Variants in NRG1 observed in about 807,000 individuals in gnomAD.
The protein encoded by NRG1 is pro-neuregulin-1, membrane-bound isoform.
A neutral mutation model predicts 63.8 loss-of-function variants in NRG1; 18 were observed. That is an observed-to-expected ratio of 0.28 (90% CI 0.19 to 0.42). NRG1 has a LOEUF of 0.42. Ranked by LOEUF, NRG1 falls within the 10% of genes least tolerant of loss-of-function variation. NRG1 has a pLI of 1.00. For synonymous variants in NRG1, 302 were observed against 301.3 expected, an observed-to-expected ratio of 1.00 and a Z score of -0.02; for missense variants, 762 against 814.7, an observed-to-expected ratio of 0.94 and a Z score of 0.79.
chr8:31,983,093 G>C (rs150955226), intron 1 of NRG1, among the ~76,000 whole-genome samples: 202 of 152,148 alleles, frequency 1.3e-3, no homozygotes, highest in African/African-American at 4.5e-3. Flanking sequence ...ATGGATATTA[G>C]AGGCTATCAG....
At chr8:32,021,814 A>G (rs1195075695) in intron 1 of NRG1, among the ~76,000 whole-genome samples, 2 of 152,208 alleles carry the variant, frequency 1.3e-5, no homozygotes, top group Non-Finnish European at 2.9e-5. Flanking sequence ...ATTAATATTC[A>G]TTGGTATTAT....
chr8:31,841,026 T>G (rs1030234486), intron 1 of NRG1, among the ~76,000 whole-genome samples: 1 of 152,212 alleles, frequency 6.6e-6, no homozygotes, highest in African/African-American at 2.4e-5. Flanking sequence ...GTTAGAGGGA[T>G]GCAAAGACAA....
intron 1 of NRG1, among the ~76,000 whole-genome samples, chr8:32,483,637 C>T (rs1490326962): frequency 1.3e-5 from 2 of 152,174 alleles, no homozygotes; most frequent in South Asian, 2.1e-4. Flanking sequence ...AAGGCAATGT[C>T]GGAGGCTAGG....
chr8:32,315,457 C>T (rs1857280221), intron 1 of NRG1, among the ~76,000 whole-genome samples: 1 of 152,212 alleles, frequency 6.6e-6, no homozygotes, highest in Non-Finnish European at 1.5e-5. Context: ...ATATGTACCA[C>T]ATTGTCTATC....
chr8:32,758,825 T>G (rs1050607228), intron 9 of NRG1, among the ~76,000 whole-genome samples: 4 of 152,054 alleles, frequency 2.6e-5, no homozygotes, highest in Non-Finnish European at 4.4e-5. Flanking sequence ...AGGAGAAAGG[T>G]AGGCCCAACA....
intron 1 of NRG1, among the ~76,000 whole-genome samples, chr8:32,273,499 G>T (rs1240485679): frequency 6.6e-6 from 1 of 152,068 alleles, no homozygotes; most frequent in Non-Finnish European, 1.5e-5. Flanking sequence ...GATGATTTTA[G>T]GGGATAAAAA....
intron 1 of NRG1, among the ~76,000 whole-genome samples, chr8:32,398,785 GT>G (rs1323030252): frequency 2.0e-5 from 3 of 152,126 alleles, no homozygotes; most frequent in Non-Finnish European, 4.4e-5. Context: ...GGTGGTGCAA[GT>G]TATCTCCCAA....
intron 1 of NRG1, among the ~76,000 whole-genome samples, chr8:32,409,111 C>T (rs117331096): frequency 0.017 from 2,550 of 152,180 alleles, 37 homozygotes; most frequent in Middle Eastern, 0.041. Context: ...GGTGTATATA[C>T]GTTACATTTT....
At chr8:32,234,969 T>C (rs1472203130) in intron 1 of NRG1, among the ~76,000 whole-genome samples, 1 of 152,096 alleles carries the variant, frequency 6.6e-6, no homozygotes, top group Non-Finnish European at 1.5e-5. Context: ...AATTAATTAA[T>C]AGTCTTAGAA....
chr8:32,156,234 T>A (rs1838049491), intron 1 of NRG1, among the ~76,000 whole-genome samples: 1 of 152,182 alleles, frequency 6.6e-6, no homozygotes, highest in South Asian at 2.1e-4. Context: ...TGCTCCTCCA[T>A]GATTTACCTA....
At position 32,343,610 on chromosome 8, in the gene NRG1, C is replaced by T. The variant is rs377230913; in HGVS notation, c.38-252218C>T. On this transcript the variant is annotated intron_variant, in intron 1 of 10. Transcript: ENST00000519301. ...ATAACCTTGCTGGCTTATGTCAGCT[C>T]GAAGTAAAAGGGGAGGTGGTAGTGG... is the stretch of plus-strand genomic sequence containing the variant. Among the ~76,000 whole-genome samples the T allele has an allele frequency of 6.6e-5, 10 of 152,150 alleles. 1 individual carries two copies. The South Asian group carries it at 1.2e-3, about 19-fold the overall frequency.
chr8:32,196,943 CTTTTTTTTTT>C lies in NRG1; in HGVS notation c.38-398860_38-398851del, dbSNP rs773398472. The stretch of plus-strand genomic sequence containing the variant: ...CTACCAGGCCTGTTCTCAGAACATT[CTTTTTTTTTT>C]TTTTTTTTTTTTTTTTTTTTTTTTA... On this transcript the variant is annotated intron_variant, in intron 1 of 10. Coordinates refer to the NRG1 transcript ENST00000519301. Among the ~76,000 whole-genome samples, 230 of 27,430 alleles carry C rather than the reference CTTTTTTTTTT, an allele frequency of 8.4e-3. 2 individuals are homozygous for C. Among genetic ancestry groups the C allele is most frequent in the African/African-American group, 0.018 (174 of 9,452 alleles). The allele number at this position is 27,430 out of a possible 152,430, so 18.0% of individuals were successfully genotyped here.
intron 1 of NRG1, among the ~76,000 whole-genome samples, chr8:32,278,197 T>C (rs1175090763): frequency 1.3e-5 from 2 of 152,156 alleles, no homozygotes; most frequent in Admixed American, 6.5e-5. Flanking sequence ...CTCATTGTAG[T>C]GATATGGGAA....
At chr8:31,713,200 T>G (rs977324153) in intron 1 of NRG1, among the ~76,000 whole-genome samples, 1 of 142,244 alleles carries the variant, frequency 7.0e-6, no homozygotes, top group South Asian at 2.3e-4. Context: ...CACTGCAGGC[T>G]CCACCTCCCG....
At chr8:32,127,710 T>C (rs1466795434) in intron 1 of NRG1, among the ~76,000 whole-genome samples, 2 of 151,714 alleles carry the variant, frequency 1.3e-5, no homozygotes, top group Non-Finnish European at 2.9e-5. Flanking sequence ...TAGGTTGAAA[T>C]CAGGAAGACA....
chr8:31,981,773 C>T (rs1234133877), intron 1 of NRG1, among the ~76,000 whole-genome samples: 1 of 151,330 alleles, frequency 6.6e-6, no homozygotes, highest in African/African-American at 2.4e-5. Flanking sequence ...CTGGGGGATG[C>T]AGATAATAAT....
intron 1 of NRG1, among the ~76,000 whole-genome samples, chr8:32,414,082 T>C (rs1183608014): frequency 6.6e-6 from 1 of 152,176 alleles, no homozygotes; most frequent in Non-Finnish European, 1.5e-5. Flanking sequence ...GAGAAGGCTG[T>C]GAGGTAAGGC....
intron 2 of NRG1, among the ~76,000 whole-genome samples, chr8:32,601,431 CTT>C (rs1390813503): frequency 6.6e-6 from 1 of 152,222 alleles, no homozygotes; most frequent in East Asian, 1.9e-4. Flanking sequence ...AAACCTAACT[CTT>C]TCACAAGACA....
At chr8:32,078,886 C>T (rs75658333) in intron 1 of NRG1, among the ~76,000 whole-genome samples, 5,324 of 152,096 alleles carry the variant, frequency 0.035, 316 homozygotes, top group African/African-American at 0.12. Context: ...AGCTGGCTCG[C>T]GCTATTCTGT....
Sources: allele counts gnomAD v4.1 joint callset (sites outside exome capture counted in the v4.1 genomes callset), GRCh38; gene constraint gnomAD v4.1.1; transcripts MANE v1.5; gene names NCBI Gene and HGNC (gene_info 2026-07-23, HGNC 2026-07-21).